CUL2: variants seen among roughly 807,000 people sequenced by gnomAD.
CUL2 encodes cullin-2.
In CUL2, 22 loss-of-function variants were observed where a neutral mutation model predicts 110.2. The observed-to-expected ratio is 0.20, with a 90% CI of 0.14 to 0.28. CUL2 has a LOEUF of 0.28. Among genes scored for constraint, CUL2 ranks in the 10% least tolerant of loss-of-function variants. The pLI is 1.00. For synonymous variants in CUL2, 279 were observed against 293.2 expected (o/e 0.95, Z 0.49); for missense variants, 631 against 905.5 (o/e 0.70, Z 3.89).
intron 17 of CUL2, among the ~76,000 whole-genome samples, chr10:35,024,201 A>C (rs1003682850): frequency 6.6e-6 from 1 of 152,142 alleles, no homozygotes; most frequent in African/African-American, 2.4e-5. Flanking sequence ...TCATTTCAAA[A>C]ATTATTTTAA....
intron 15 of CUL2, 61 bp from the exon 16 acceptor site, chr10:35,028,948 ATATT>A (rs1474596644): frequency 5.0e-6 from 5 of 1,008,056 alleles, no homozygotes; most frequent in Non-Finnish European, 7.4e-6. Flanking sequence ...TTCAAAGTAA[ATATT>A]TATTAAATAA....
intron 3 of CUL2, among the ~76,000 whole-genome samples, chr10:35,061,952 G>A (rs1342689994): frequency 1.3e-5 from 2 of 151,912 alleles, no homozygotes; most frequent in African/African-American, 4.8e-5. Context: ...CCACGTGCAG[G>A]GTTAGACAGT....
At position 35,049,707 on chromosome 10, in the gene CUL2, C is replaced by A; in HGVS notation, c.482G>T (p.Arg161Leu). 4 of 1,613,266 alleles carry A rather than the reference C, an allele frequency of 2.5e-6. No homozygotes were observed. The highest frequency in any genetic ancestry group is 3.4e-6 in the Non-Finnish European group (4 of 1,179,612). ...MVEPLQAILI[R>L]MLLREIKNDR... ...CTTTTTGATTTCTCGGAGCAGCATT[C>A]GGATAAGGATGGCCTGAAGTGGTTC... Residue 161 changes from arginine (R) to leucine (L), a missense_variant, in exon 6 of 21, where the codon CGA becomes CTA. Arg to Leu is a moderately radical substitution (Grantham distance 102). Around this residue, in one of 3 missense-constraint regions of CUL2, gnomAD observed 338 missense variants for 442.5 expected, o/e 0.76. Transcript: ENST00000374749.
rs2134740985 is a variant in CUL2 at position 35,034,995 on chromosome 10, C to A, written c.1002+177G>T. On this transcript the variant is annotated intron_variant, in intron 10 of 20. Transcript: ENST00000374749. ...AGCCTATCAATAGCTTTCTAATAAT[C>A]TGATAATTCCAAAATGAGTCCAACA... 1.3e-5 allele frequency among the ~76,000 whole-genome samples: 2 copies of A among 152,346 alleles called. 1 individual carries two copies. The highest frequency in any genetic ancestry group is 1.3e-4 in the Admixed American group (2 of 15,302).
At chr10:35,018,211 C>T (rs1054760260) in intron 17 of CUL2, among the ~76,000 whole-genome samples, 2 of 146,648 alleles carry the variant, frequency 1.4e-5, no homozygotes, top group Admixed American at 6.8e-5. Flanking sequence ...GGCGTGAACC[C>T]GGGAGGCGGA....
rs1409175458 is a variant in CUL2 at position 35,009,993 on chromosome 10, A to C, written c.*318T>G. The C allele has an allele frequency of 7.5e-6, 1 of 133,936 alleles. No individual in the cohort carries two copies. Among genetic ancestry groups the C allele is most frequent in the African/African-American group, 3.8e-5 (1 of 26,160 alleles). 8.3% of individuals were successfully genotyped at this position (133,936 alleles called of 1,614,324 possible). A position where few individuals can be genotyped will look rare whatever the true frequency, so the allele number is the denominator to read the frequency against. On this transcript the variant is annotated 3_prime_UTR_variant, in exon 21 of 21. Coordinates refer to ENST00000374749, the MANE Select transcript of CUL2 (RefSeq NM_003591.4). ...ATTTTATGTCCTTTAAGATACATTA[A>C]AAAAAAAAAAAAAGACACATCAACT...
intron 1 of CUL2, among the ~76,000 whole-genome samples, chr10:35,123,212 T>C (rs1165033412): frequency 1.3e-5 from 2 of 152,222 alleles, no homozygotes; most frequent in Non-Finnish European, 2.9e-5. Context: ...TTACACTCTG[T>C]CAGCTAATAA....
At chr10:35,061,021 G>A (rs2086367947) in intron 3 of CUL2, 53 bp from the exon 4 acceptor site, 1 of 1,528,764 alleles carries the variant, frequency 6.5e-7, no homozygotes, top group Admixed American at 1.9e-5. Context: ...CATTTTCACT[G>A]TCAACAATAA....
chr10:35,033,131 T>C, intron 11 of CUL2, 35 bp downstream of exon 11: 2 of 1,245,418 alleles, frequency 1.6e-6, no homozygotes, highest in Non-Finnish European at 1.1e-6. Flanking sequence ...TAGAGTTTTA[T>C]GTACATATAT....
intron 1 of CUL2, among the ~76,000 whole-genome samples, chr10:35,108,159 G>A (rs533008755): frequency 6.6e-6 from 1 of 151,922 alleles, no homozygotes; most frequent in South Asian, 2.1e-4. Context: ...GCCTAAGTGA[G>A]AAGTGACAGT....
intron 17 of CUL2, among the ~76,000 whole-genome samples, chr10:35,024,917 A>G (rs2085297789): frequency 6.6e-6 from 1 of 152,192 alleles, no homozygotes; most frequent in Admixed American, 6.5e-5. Flanking sequence ...AAGTCAGAAC[A>G]TTTCTTTAAA....
At chr10:35,061,611 G>C (rs991073137) in intron 3 of CUL2, among the ~76,000 whole-genome samples, 5 of 152,034 alleles carry the variant, frequency 3.3e-5, no homozygotes, top group South Asian at 2.1e-4. Context: ...AACACTTTAA[G>C]ACCACTTTAA....
chr10:35,028,738 T>C (rs913448443), intron 16 of CUL2, 72 bp downstream of exon 16: 1 of 992,590 alleles, frequency 1.0e-6, no homozygotes, highest in African/African-American at 1.7e-5. Flanking sequence ...TGAAAAAATA[T>C]TAAAGGTGAT....
At chr10:35,012,032 T>C (rs901541834) in intron 19 of CUL2, 68 bp from the exon 20 acceptor site, 4 of 927,772 alleles carry the variant, frequency 4.3e-6, no homozygotes, top group Non-Finnish European at 4.9e-6. Flanking sequence ...TTTCAATTCA[T>C]TTTATCAGTG....
intron 1 of CUL2, among the ~76,000 whole-genome samples, chr10:35,074,781 C>T (rs956455465): frequency 2.0e-5 from 3 of 152,198 alleles, no homozygotes; most frequent in Non-Finnish European, 4.4e-5. Context: ...GCCATTGTGC[C>T]CGGCCTTCAT....
At chr10:35,085,432 AAAAAAAT>A (rs1431425015) in intron 1 of CUL2, among the ~76,000 whole-genome samples, 33 of 148,486 alleles carry the variant, frequency 2.2e-4, no homozygotes, top group African/African-American at 4.9e-4. Context: ...ACCGTCCCAA[AAAAAAAT>A]AAAAATAAAA....
In CUL2 at chr10:35,043,769, T is replaced by C. The variant is rs144908150; in HGVS notation, c.714+797A>G. Reference sequence around the variant, plus strand: ...TAACCAATATGTACTGGTTTAGTGATCAATTAAAATTTCTTGGCTGGGTGC... The same window carrying C: ...TAACCAATATGTACTGGTTTAGTGACCAATTAAAATTTCTTGGCTGGGTGC... On this transcript the variant is annotated intron_variant, in intron 8 of 20. Coordinates refer to ENST00000374749, the MANE Select transcript of CUL2 (RefSeq NM_003591.4). Among the ~76,000 whole-genome samples the C allele has an allele frequency of 4.8e-4, 73 of 152,260 alleles. 1 individual carries two copies. In the East Asian group the frequency reaches 0.013, roughly 27 times the overall value.
At chr10:35,098,997 C>T (rs553550007) in intron 2 of CUL2, among the ~76,000 whole-genome samples, 6 of 152,152 alleles carry the variant, frequency 3.9e-5, no homozygotes, top group Non-Finnish European at 8.8e-5. Flanking sequence ...ACAAAGAAAG[C>T]GAACAAGTCA....
chr10:35,017,453 A>C (rs550741832), intron 17 of CUL2, among the ~76,000 whole-genome samples: 3 of 152,174 alleles, frequency 2.0e-5, no homozygotes, highest in Non-Finnish European at 2.9e-5. Flanking sequence ...CAGCACTTTG[A>C]AAGGCCGAGG....
Sources: gnomAD v4.1 joint callset for allele counts (sites outside exome capture counted in the v4.1 genomes callset) on GRCh38, gnomAD v4.1.1 for gene constraint, gnomAD v4.1.1 regional missense constraint, MANE v1.5 for transcripts, NCBI Gene and HGNC (gene_info 2026-07-23, HGNC 2026-07-21) for gene names.